The following MAP2K5 variants were observed in gnomAD, a reference collection of about 807,000 sequenced individuals.
MAP2K5 encodes the protein dual specificity mitogen-activated protein kinase kinase 5.
Under a neutral mutation model 83.1 loss-of-function variants are expected in MAP2K5, and 49 were observed. That is an observed-to-expected ratio of 0.59 (90% CI 0.47 to 0.75). The LOEUF is 0.75. Among genes scored for constraint, MAP2K5 ranks in the 30% least tolerant of loss-of-function variants. MAP2K5 has a pLI of 0.00. For missense variants in MAP2K5, 457 were observed against 557.5 expected, an observed-to-expected ratio of 0.82 and a Z score of 1.82; for synonymous variants, 202 against 191.8, an observed-to-expected ratio of 1.05 and a Z score of -0.44.
At chr15:67,797,652 G>GT (rs949464336) in intron 21 of MAP2K5, among the ~76,000 whole-genome samples, 15 of 151,674 alleles carry the variant, frequency 9.9e-5, no homozygotes, top group Non-Finnish European at 1.5e-4. Context: ...GAAATCACTG[G>GT]TTTTTTTTAA....
intron 19 of MAP2K5, among the ~76,000 whole-genome samples, chr15:67,765,121 G>A (rs1018447162): frequency 6.6e-6 from 1 of 152,206 alleles, no homozygotes. Context: ...AGCACTTTGG[G>A]AGGCTGAAGC....
At chr15:67,600,184 C>T (rs2085624203) in intron 7 of MAP2K5, among the ~76,000 whole-genome samples, 1 of 152,144 alleles carries the variant, frequency 6.6e-6, no homozygotes, top group African/African-American at 2.4e-5. Context: ...AAAGCTATAT[C>T]TACTCTAGGA....
At chr15:67,588,995 T>A (rs925515468) in intron 6 of MAP2K5, among the ~76,000 whole-genome samples, 9 of 151,672 alleles carry the variant, frequency 5.9e-5, no homozygotes, top group Admixed American at 1.3e-4. Flanking sequence ...GTTTTTTTTT[T>A]ATTTTTTTAA....
chr15:67,631,596 T>C (rs1210001276), intron 9 of MAP2K5, among the ~76,000 whole-genome samples: 1 of 152,156 alleles, frequency 6.6e-6, no homozygotes, highest in Non-Finnish European at 1.5e-5. Flanking sequence ...CACCTGCCAA[T>C]AGAGTCAGGC....
At chr15:67,673,986 G>A (rs2087614465) in intron 13 of MAP2K5, among the ~76,000 whole-genome samples, 1 of 152,004 alleles carries the variant, frequency 6.6e-6, no homozygotes, top group African/African-American at 2.4e-5. Context: ...GTAGCTGGGA[G>A]TACACACACG....
At chr15:67,651,700 A>G (rs2086958526) in intron 11 of MAP2K5, among the ~76,000 whole-genome samples, 1 of 152,202 alleles carries the variant, frequency 6.6e-6, no homozygotes, top group East Asian at 1.9e-4. Flanking sequence ...CATTCTTTTT[A>G]TGGCTGAATA....
chr15:67,667,371 G>A (rs931981613), intron 13 of MAP2K5, among the ~76,000 whole-genome samples: 1 of 152,120 alleles, frequency 6.6e-6, no homozygotes, highest in Non-Finnish European at 1.5e-5. Context: ...TAAGCTCATT[G>A]CTGTTCCTTC....
chr15:67,726,302 T>G (rs1000261384), intron 16 of MAP2K5, among the ~76,000 whole-genome samples: 2 of 152,250 alleles, frequency 1.3e-5, no homozygotes, highest in African/African-American at 4.8e-5. Flanking sequence ...ATTGTTCATA[T>G]TGGTTTTAGA....
chr15:67,628,920 A>G (rs553248794), intron 8 of MAP2K5: 50 of 753,826 alleles, frequency 6.6e-5, no homozygotes, highest in Middle Eastern at 3.7e-4. Flanking sequence ...ATTTAGTAAT[A>G]ATGGAAGCAA....
Position 67,780,783 on chromosome 15 carries a change from G to A in MAP2K5, c.1242+8031G>A, listed in dbSNP as rs908440919. ...TAATATTCAAAACATTTAACAACCA[G>A]TATAGCATGAGGATTACCGTTCAGA... On this transcript the variant is annotated intron_variant, in intron 21 of 21. Transcript: ENST00000178640. The surrounding 1 kb of genome is among the most constrained non-coding windows in gnomAD (Gnocchi z 5.0). Among the ~76,000 whole-genome samples, 5 of 152,156 alleles carry A rather than the reference G, an allele frequency of 3.3e-5. No homozygotes were observed. The highest frequency in any genetic ancestry group is 5.9e-5 in the Non-Finnish European group (4 of 68,022).
At chr15:67,622,269 A>T (rs1395443518) in intron 8 of MAP2K5, among the ~76,000 whole-genome samples, 2 of 152,150 alleles carry the variant, frequency 1.3e-5, no homozygotes, top group African/African-American at 4.8e-5. Flanking sequence ...AACCAGGTAT[A>T]TATTGGAGAA....
Position 67,746,777 on chromosome 15 carries a change from CA to C in MAP2K5, c.1075-1452del, listed in dbSNP as rs1295397953. On this transcript the variant is annotated intron_variant, in intron 17 of 21. Coordinates refer to ENST00000178640, the MANE Select transcript of MAP2K5 (RefSeq NM_145160.3). This position sits in a 1 kb window ranked among gnomAD's most constrained non-coding sequence, Gnocchi z 4.1. ...GATTGGGGAGGAAGTGATGAAAAGC[CA>C]ATAAGAGCAATGAGTGGGCGCCGTG... 6.6e-6 allele frequency among the ~76,000 whole-genome samples: 1 copy of C among 152,070 alleles called. No homozygotes were observed.
At chr15:67,771,906 C>T (rs1400412198) in intron 20 of MAP2K5, among the ~76,000 whole-genome samples, 3 of 152,184 alleles carry the variant, frequency 2.0e-5, no homozygotes, top group Non-Finnish European at 4.4e-5. Context: ...ATCCCATGGA[C>T]ACTCTGAGTT....
Position 67,562,508 on chromosome 15 carries a change from T to A in MAP2K5, c.185-775T>A, listed in dbSNP as rs2084756403. ...TGGCCTCTGATGATACTTACTCAAATTTACACATTCTGGTTATGTAGTTTG... is the reference window on the plus strand; with the variant it reads ...TGGCCTCTGATGATACTTACTCAAAATTACACATTCTGGTTATGTAGTTTG... On this transcript the variant is annotated intron_variant, in intron 2 of 21. Transcript: ENST00000178640. This position sits in a 1 kb window ranked among gnomAD's most constrained non-coding sequence, Gnocchi z 4.1. Among the ~76,000 whole-genome samples, 1 of 152,220 alleles carries A rather than the reference T, an allele frequency of 6.6e-6. No individual in the cohort carries two copies. The highest frequency in any genetic ancestry group is 2.1e-4 in the South Asian group (1 of 4,826).
chr15:67,705,418 G>A (rs1291957911), intron 16 of MAP2K5, among the ~76,000 whole-genome samples: 1 of 152,052 alleles, frequency 6.6e-6, no homozygotes, highest in Non-Finnish European at 1.5e-5. Context: ...TGTCAGGTGG[G>A]GATAAGTCCC....
In MAP2K5 at chr15:67,781,365, G is replaced by A. The variant is rs773829880; in HGVS notation, c.1242+8613G>A. Among the ~76,000 whole-genome samples the A allele has an allele frequency of 3.3e-5, 5 of 152,188 alleles. No individual in the cohort carries two copies. The highest frequency in any genetic ancestry group is 4.4e-5 in the Non-Finnish European group (3 of 68,026). On this transcript the variant is annotated intron_variant, in intron 21 of 21. Transcript: ENST00000178640. This position sits in a 1 kb window ranked among gnomAD's most constrained non-coding sequence, Gnocchi z 4.0. The stretch of plus-strand genomic sequence containing the variant: ...TAATGGGTTGTTTGCTTTTTAATTT[G>A]TAGCAGTTTTGAGAGAGACCTTTGG...
chr15:67,617,279 C>G (rs2086075922), intron 8 of MAP2K5, among the ~76,000 whole-genome samples: 1 of 152,160 alleles, frequency 6.6e-6, no homozygotes, highest in Non-Finnish European at 1.5e-5. Flanking sequence ...ACCTCACAAT[C>G]ACTAGGAAAG....
At chr15:67,553,402 G>A (rs1223525873) in intron 2 of MAP2K5, among the ~76,000 whole-genome samples, 2 of 152,166 alleles carry the variant, frequency 1.3e-5, no homozygotes, top group African/African-American at 2.4e-5. Flanking sequence ...CAGCAGCTCT[G>A]TGCCCATCTT....
chr15:67,620,327 C>T (rs2086153768), intron 8 of MAP2K5, among the ~76,000 whole-genome samples: 1 of 152,112 alleles, frequency 6.6e-6, no homozygotes. Context: ...GCCGAGACTG[C>T]ACCACTGCAC....
Sources: allele counts gnomAD v4.1 joint callset (sites outside exome capture counted in the v4.1 genomes callset), GRCh38; gene constraint gnomAD v4.1.1; non-coding constraint Gnocchi (gnomAD v3.1); transcripts MANE v1.5; gene names NCBI Gene and HGNC (gene_info 2026-07-23, HGNC 2026-07-21).